Variants in PIK3C2A observed in about 807,000 individuals in gnomAD.
The protein encoded by PIK3C2A is phosphatidylinositol 4-phosphate 3-kinase C2 domain-containing subunit alpha.
Under a neutral mutation model 204.5 loss-of-function variants are expected in PIK3C2A, and 97 were observed. The observed-to-expected ratio is 0.47, with a 90% CI of 0.40 to 0.56. PIK3C2A has a LOEUF of 0.56. PIK3C2A is among the 20% of genes least tolerant of loss of function. The probability of loss-of-function intolerance (pLI) is 0.00; values close to 1 mark genes in which losing one functional copy is unlikely to be tolerated. For synonymous variants in PIK3C2A, 653 were observed against 664.4 expected, an observed-to-expected ratio of 0.98 and a Z score of 0.26; for missense variants, 1,735 against 1,969.2, an observed-to-expected ratio of 0.88 and a Z score of 2.25.
At chr11:17,117,701 C>T (rs140240822) in intron 18 of PIK3C2A, 30 bp from the exon 19 acceptor site, 320 of 778,116 alleles carry the variant, frequency 4.1e-4, no homozygotes, top group African/African-American at 3.7e-3. Flanking sequence ...ATGTTAGTCA[C>T]GTCTTGGTTT....
At chr11:17,159,038 TG>T (rs1850695717) in intron 2 of PIK3C2A, among the ~76,000 whole-genome samples, 1 of 152,190 alleles carries the variant, frequency 6.6e-6, no homozygotes, top group Non-Finnish European at 1.5e-5. Context: ...CTGCTCTTTC[TG>T]GAATAAAAAA....
In PIK3C2A at chr11:17,118,654, T is replaced by C. The variant is rs748093720; in HGVS notation, c.3026A>G (p.Asn1009Ser). Residue 1009 changes from asparagine to serine, a missense_variant, in exon 18 of 33, where the codon AAT (asparagine) becomes AGT (serine). Transcript: ENST00000691414. ...RALGNIQIAH[N>S]LYWLLKDALH... ...AAAATTTAAATCTTACCAATATAAA[T>C]TGTGTGCTATCTGGATATTTCCCAA... 2 of 1,414,618 alleles carry C rather than the reference T, an allele frequency of 1.4e-6. No homozygotes were observed. Among genetic ancestry groups the C allele is most frequent in the Non-Finnish European group, 2.0e-6 (2 of 1,004,710 alleles). The allele number at this position is 1,414,618 out of a possible 1,614,324, so 87.6% of individuals were successfully genotyped here.
At chr11:17,107,302 G>C in intron 22 of PIK3C2A, among the ~76,000 whole-genome samples, 1 of 151,992 alleles carries the variant, frequency 6.6e-6, no homozygotes, top group Non-Finnish European at 1.5e-5. Flanking sequence ...AACAGTGCAA[G>C]GCTCCGTCTC....
At chr11:17,130,130 G>A (rs1048481499) in intron 12 of PIK3C2A, among the ~76,000 whole-genome samples, 2 of 152,074 alleles carry the variant, frequency 1.3e-5, no homozygotes, top group African/African-American at 4.8e-5. Flanking sequence ...GTTTTGGGAT[G>A]TAAGAATTCA....
intron 3 of PIK3C2A, among the ~76,000 whole-genome samples, chr11:17,152,384 A>G (rs1402310850): frequency 3.3e-5 from 5 of 152,170 alleles, no homozygotes; most frequent in Admixed American, 2.6e-4. Flanking sequence ...GCCAAAAACC[A>G]TAAAACACCT....
At chr11:17,114,697 C>G (rs535850905) in intron 19 of PIK3C2A, among the ~76,000 whole-genome samples, 161 of 152,244 alleles carry the variant, frequency 1.1e-3, no homozygotes, top group African/African-American at 3.7e-3. Flanking sequence ...TTAAAGCTCA[C>G]TAATAGTCAA....
In PIK3C2A at chr11:17,132,006, G is replaced by C; in HGVS notation, c.2141C>G (p.Ser714Cys). The stretch of plus-strand genomic sequence containing the variant: ...TTTAAAAAGATCCTTTCCATTGTGA[G>C]ACAGTGAACATATCAAGTAGTATTT... Reference protein sequence around the residue: ...YEKYYLICSLSHNGKDLFKPI... With the variant: ...YEKYYLICSLCHNGKDLFKPI... Residue 714 changes from serine (S) to cysteine (C), a missense_variant, in exon 12 of 33, where the codon TCT (serine) becomes TGT (cysteine). Transcript: ENST00000691414. 6.4e-7 allele frequency: 1 copy of C among 1,554,546 alleles called. No individual in the cohort carries two copies. The highest frequency in any genetic ancestry group is 1.7e-4 in the Middle Eastern group (1 of 5,872).
chr11:17,153,830 T>C lies in PIK3C2A; in HGVS notation c.1169+1696A>G, dbSNP rs376190175. On this transcript the variant is annotated intron_variant, in intron 3 of 32. Transcript: ENST00000691414. Reference sequence around the variant, plus strand: ...CTGGCTCTCTAATTAAAAGCCTACATACTTGTTTTAAAAATCCACTGCAAA... The same window carrying C: ...CTGGCTCTCTAATTAAAAGCCTACACACTTGTTTTAAAAATCCACTGCAAA... Among the ~76,000 whole-genome samples the C allele has an allele frequency of 3.5e-4, 53 of 152,340 alleles. 1 individual carries two copies. In the South Asian group the frequency reaches 0.01, roughly 30 times the overall value.
Position 17,148,725 on chromosome 11 carries a change from G to C in PIK3C2A, c.1390C>G (p.Gln464Glu), listed in dbSNP as rs779260273. The change falls in exon 5 of 33, where the codon CAA becomes GAA. Residue 464 changes from glutamine (Q) to glutamate (E), a missense_variant. Physicochemically the swap from Gln to Glu is conservative, Grantham distance 29. Transcript: ENST00000691414. ...AGAACATAGCTGCCAACATCTACTT[G>C]ATTCAAGTCATCATGTACCCAGCAA... ...ALCWVHDDLN[Q>E]VDVGSYVLKV... is the part of the protein sequence containing the mutation. The C allele has an allele frequency of 6.2e-7, 1 of 1,612,692 alleles. No individual in the cohort carries two copies. Among genetic ancestry groups the C allele is most frequent in the African/African-American group, 1.3e-5 (1 of 74,856 alleles).
intron 13 of PIK3C2A, among the ~76,000 whole-genome samples, chr11:17,125,522 G>C (rs1849493267): frequency 6.6e-6 from 1 of 150,566 alleles, no homozygotes; most frequent in South Asian, 2.1e-4. Context: ...GATTTTCACT[G>C]TTTTTTTTTG....
chr11:17,207,617 GCA>G lies in PIK3C2A; in HGVS notation c.-66+229_-66+230del, dbSNP rs971706233. Among the ~76,000 whole-genome samples the G allele has an allele frequency of 2.0e-4, 31 of 152,158 alleles. 1 individual carries two copies. The highest frequency in any genetic ancestry group is 6.7e-4 in the African/African-American group (28 of 41,536). On this transcript the variant is annotated intron_variant, in intron 1 of 32. Coordinates refer to ENST00000691414, the MANE Select transcript of PIK3C2A (RefSeq NM_002645.4). Reference sequence around the variant, plus strand: ...GGCCTGGTGGGGACGCGGGCTCCTCGCACCTCCAGCGCAGCACTTGCTCACGG... The same window carrying G: ...GGCCTGGTGGGGACGCGGGCTCCTCGCCTCCAGCGCAGCACTTGCTCACGG...
chr11:17,132,223 G>A (rs1486906127), intron 11 of PIK3C2A, among the ~76,000 whole-genome samples, 185 bp from the exon 12 acceptor site: 1 of 151,962 alleles, frequency 6.6e-6, no homozygotes, highest in African/African-American at 2.4e-5. Flanking sequence ...ATAGAAAAGA[G>A]GTTTGGTAAA....
chr11:17,119,546 C>A (rs549679495), intron 16 of PIK3C2A, among the ~76,000 whole-genome samples: 50 of 152,230 alleles, frequency 3.3e-4, no homozygotes, highest in African/African-American at 1.2e-3. Context: ...TGGCCCACAT[C>A]ATAAAAATAT....
chr11:17,206,618 C>G (rs1052786266), intron 1 of PIK3C2A, among the ~76,000 whole-genome samples: 1 of 151,448 alleles, frequency 6.6e-6, no homozygotes, highest in Non-Finnish European at 1.5e-5. Context: ...CCAACCCCAA[C>G]TATGGCAGAG....
chr11:17,187,776 A>C (rs1851803923), intron 1 of PIK3C2A, among the ~76,000 whole-genome samples: 1 of 152,068 alleles, frequency 6.6e-6, no homozygotes. Context: ...TGAGAGGCAC[A>C]GAGACAGAAG....
At chr11:17,130,544 C>G (rs977831857) in intron 12 of PIK3C2A, among the ~76,000 whole-genome samples, 1 of 152,166 alleles carries the variant, frequency 6.6e-6, no homozygotes, top group Admixed American at 6.5e-5. Flanking sequence ...GTGGCTCACA[C>G]CTGTAATCCC....
chr11:17,118,419 C>G (rs1486396266), intron 18 of PIK3C2A, among the ~76,000 whole-genome samples: 1 of 152,020 alleles, frequency 6.6e-6, no homozygotes, highest in African/African-American at 2.4e-5. Flanking sequence ...ATAAGCAAGT[C>G]GAAACCCATT....
chr11:17,173,355 GAAACTATTTGGAAAGA>G (rs1371505693), intron 1 of PIK3C2A, among the ~76,000 whole-genome samples: 1 of 152,160 alleles, frequency 6.6e-6, no homozygotes, highest in African/African-American at 2.4e-5. Flanking sequence ...GACTTCTGCT[GAAACTATTTGGAAAGA>G]AAGCTTTTCT....
chr11:17,110,738 C>A (rs1848976681), intron 21 of PIK3C2A, among the ~76,000 whole-genome samples, 177 bp from the exon 22 acceptor site: 1 of 152,042 alleles, frequency 6.6e-6, no homozygotes, highest in Non-Finnish European at 1.5e-5. Context: ...ACTAAAAACA[C>A]AAAAATTAGC....
Sources: gnomAD v4.1 joint callset for allele counts (sites outside exome capture counted in the v4.1 genomes callset) on GRCh38, gnomAD v4.1.1 for gene constraint, MANE v1.5 for transcripts, NCBI Gene and HGNC (gene_info 2026-07-23, HGNC 2026-07-21) for gene names.